CRISPLD2: variants seen among roughly 807,000 people sequenced by gnomAD.
CRISPLD2 encodes the protein cysteine rich secretory protein LCCL domain containing 2.
CRISPLD2 carries 47 observed loss-of-function variants against 71.1 expected under a neutral mutation model. That is an observed-to-expected ratio of 0.66 (90% confidence interval 0.52 to 0.84). The LOEUF is 0.84. Ranked by LOEUF, CRISPLD2 falls within the 40% of genes least tolerant of loss-of-function variation. CRISPLD2 has a pLI of 0.00. For synonymous variants in CRISPLD2, 317 were observed against 250.1 expected, an observed-to-expected ratio of 1.27 and a Z score of -2.52; for missense variants, 830 against 651.1, an observed-to-expected ratio of 1.27 and a Z score of -2.99.
intron 7 of CRISPLD2, 124 bp downstream of exon 7, chr16:84,867,164 G>T (rs561964595): frequency 2.1e-6 from 2 of 973,806 alleles, no homozygotes; most frequent in Non-Finnish European, 3.1e-6. Context: ...CAAACAGGGT[G>T]CGGCGAAGCT....
chr16:84,876,652 C>A (rs113259457), intron 11 of CRISPLD2, among the ~76,000 whole-genome samples: 8,076 of 151,340 alleles, frequency 0.053, 723 homozygotes, highest in African/African-American at 0.19. Context: ...AATTAGCTGG[C>A]TGTGGTGGCA....
At chr16:84,855,744 C>T (rs1047160161) in intron 6 of CRISPLD2, among the ~76,000 whole-genome samples, 4 of 152,198 alleles carry the variant, frequency 2.6e-5, no homozygotes, top group South Asian at 4.1e-4. Context: ...TGAGATCATA[C>T]ATAATCTTCA....
intron 6 of CRISPLD2, among the ~76,000 whole-genome samples, chr16:84,861,800 A>G (rs1437568387): frequency 2.0e-5 from 3 of 152,150 alleles, no homozygotes; most frequent in African/African-American, 7.2e-5. Flanking sequence ...GGTCACGTGC[A>G]CCTGTGGTCC....
intron 14 of CRISPLD2, among the ~76,000 whole-genome samples, chr16:84,890,767 C>A (rs540692279): frequency 6.6e-6 from 1 of 152,174 alleles, no homozygotes; most frequent in South Asian, 2.1e-4. Context: ...TGCACTCCAG[C>A]CTGGGCAACA....
intron 2 of CRISPLD2, 136 bp from the exon 3 acceptor site, chr16:84,845,650 A>G: frequency 3.0e-6 from 2 of 673,322 alleles, no homozygotes; most frequent in South Asian, 1.8e-5. Context: ...TGGCTGATTT[A>G]GGAACCCAGC....
intron 5 of CRISPLD2, among the ~76,000 whole-genome samples, chr16:84,852,851 G>C (rs967013423): frequency 6.6e-6 from 1 of 152,192 alleles, no homozygotes; most frequent in African/African-American, 2.4e-5. Flanking sequence ...AGAATCGCTT[G>C]AGTCCAGGAG....
At chr16:84,846,687 C>T (rs946493664) in intron 3 of CRISPLD2, among the ~76,000 whole-genome samples, 1 of 152,190 alleles carries the variant, frequency 6.6e-6, no homozygotes, top group Non-Finnish European at 1.5e-5. Context: ...CCAGGTTCCA[C>T]CCTGTTGGGA....
intron 11 of CRISPLD2, among the ~76,000 whole-genome samples, chr16:84,875,597 C>T (rs1454273255): frequency 6.6e-6 from 1 of 151,402 alleles, no homozygotes; most frequent in African/African-American, 2.4e-5. Context: ...CTCTCTGTCG[C>T]CCAGCCTGGA....
intron 2 of CRISPLD2, among the ~76,000 whole-genome samples, chr16:84,843,059 C>T (rs1174003301): frequency 1.3e-5 from 2 of 152,146 alleles, no homozygotes; most frequent in South Asian, 2.1e-4. Flanking sequence ...TCAGGCCGCC[C>T]GGGCAGCCCA....
chr16:84,886,796 C>A (rs565191984), intron 13 of CRISPLD2, among the ~76,000 whole-genome samples: 4 of 152,330 alleles, frequency 2.6e-5, no homozygotes, highest in Admixed American at 2.6e-4. Flanking sequence ...GCCTGGGTGA[C>A]AAAGTGAGAT....
intron 6 of CRISPLD2, among the ~76,000 whole-genome samples, chr16:84,855,729 T>A (rs1917221236): frequency 6.6e-6 from 1 of 151,990 alleles, no homozygotes; most frequent in African/African-American, 2.4e-5. Flanking sequence ...CCCATACACA[T>A]CTCCTGAGAT....
intron 13 of CRISPLD2, among the ~76,000 whole-genome samples, chr16:84,887,496 G>T (rs2071623364): frequency 6.6e-6 from 1 of 152,204 alleles, no homozygotes; most frequent in African/African-American, 2.4e-5. Context: ...CTGCTGCCGG[G>T]GACTGATCAG....
At chr16:84,837,156 G>A (rs1431142153) in intron 1 of CRISPLD2, among the ~76,000 whole-genome samples, 3 of 152,224 alleles carry the variant, frequency 2.0e-5, no homozygotes, top group Admixed American at 1.3e-4. Context: ...AGGGGTGTGC[G>A]TGGACGCACT....
chr16:84,875,954 C>T (rs1386766756), intron 11 of CRISPLD2, among the ~76,000 whole-genome samples: 3 of 152,106 alleles, frequency 2.0e-5, no homozygotes, highest in African/African-American at 4.8e-5. Context: ...AAACCAGTCC[C>T]CTTTGTTGGA....
Position 84,867,044 on chromosome 16 carries a change from A to G in CRISPLD2, c.853+4A>G, listed in dbSNP as rs1917560704. ...ACCTCTGCGGTCAACTACATGAGTG[A>G]GTCTAGGCCGTCCTCCGCCCCTCCT... On this transcript the variant is annotated splice_donor_region_variant and intron_variant, in intron 7 of 14. Transcript: ENST00000262424. 1 of 1,612,434 alleles carries G rather than the reference A, an allele frequency of 6.2e-7. No homozygotes were observed. Among genetic ancestry groups the G allele is most frequent in the African/African-American group, 1.3e-5 (1 of 74,976 alleles).
chr16:84,880,476 A>G lies in CRISPLD2; in HGVS notation c.1230-33A>G, dbSNP rs769322431. On this transcript the variant is annotated intron_variant, in intron 12 of 14. Coordinates refer to ENST00000262424, the MANE Select transcript of CRISPLD2 (RefSeq NM_031476.4). ...TTAAGAAGTTTGGTTTTCTGTGCTC[A>G]GACCCATCACATAAATGCTTCCTGT... is the stretch of plus-strand genomic sequence containing the variant. 3 of 1,587,864 alleles carry G rather than the reference A, an allele frequency of 1.9e-6. No individual in the cohort carries two copies. The South Asian group carries it at 3.4e-5, about 18-fold the overall frequency.
At position 84,906,685 on chromosome 16, in the gene CRISPLD2, CG is replaced by C. The variant is rs2071805572; in HGVS notation, c.*47del. The stretch of plus-strand genomic sequence containing the variant: ...AGAAGGGGCGTCTTCAGGAGGGCTT[CG>C]GGGTTTTGCTTTTATTTTTATTTTG... On this transcript the variant is annotated 3_prime_UTR_variant, in exon 15 of 15. Transcript: ENST00000262424. 7 of 1,606,852 alleles carry C rather than the reference CG, an allele frequency of 4.4e-6. No individual in the cohort carries two copies. Among genetic ancestry groups the C allele is most frequent in the African/African-American group, 1.3e-5 (1 of 74,754 alleles).
chr16:84,836,795 G>A (rs370567214), intron 1 of CRISPLD2, among the ~76,000 whole-genome samples: 28 of 152,254 alleles, frequency 1.8e-4, no homozygotes, highest in Admixed American at 1.4e-3. Context: ...GTAAACACCT[G>A]GTTGGTGCTA....
At position 84,848,329 on chromosome 16, in the gene CRISPLD2, C is replaced by T. The variant is rs566159317; in HGVS notation, c.360-1056C>T. Among the ~76,000 whole-genome samples the T allele has an allele frequency of 1.4e-4, 22 of 152,302 alleles. No individual in the cohort carries two copies. The South Asian group carries it at 3.7e-3, about 26-fold the overall frequency. Reference sequence around the variant, plus strand: ...GTTACAAGACCTCTAACTGCCTCGACGACCACATGGCCCTTAAAAATGGTC... The same window carrying T: ...GTTACAAGACCTCTAACTGCCTCGATGACCACATGGCCCTTAAAAATGGTC... On this transcript the variant is annotated intron_variant, in intron 3 of 14. Coordinates refer to ENST00000262424, the MANE Select transcript of CRISPLD2 (RefSeq NM_031476.4).
Sources: allele counts gnomAD v4.1 joint callset (sites outside exome capture counted in the v4.1 genomes callset), GRCh38; gene constraint gnomAD v4.1.1; transcripts MANE v1.5; gene names NCBI Gene and HGNC (gene_info 2026-07-23, HGNC 2026-07-21).